Variants in MDN1 observed in about 807,000 individuals in gnomAD.
MDN1 encodes midasin.
MDN1 carries 266 observed loss-of-function variants against 669.2 expected under a neutral mutation model. The observed-to-expected ratio is 0.40, with a 90% CI of 0.36 to 0.44. The LOEUF is 0.44. Ranked by LOEUF, MDN1 falls within the 20% of genes least tolerant of loss-of-function variation. The pLI is 1.00. For missense variants in MDN1, 5,940 were observed against 6,754.0 expected (o/e 0.88, Z 4.22); for synonymous variants, 2,385 against 2,457.1 (o/e 0.97, Z 0.87).
chr6:89,740,433 C>T (rs539680467), intron 31 of MDN1, 55 bp from the exon 32 acceptor site: 11 of 1,461,426 alleles, frequency 7.5e-6, no homozygotes, highest in Non-Finnish European at 1.0e-5. Flanking sequence ...TTCTGTTTTA[C>T]AATCTTCAAT....
At chr6:89,725,128 A>T in intron 38 of MDN1, 71 bp downstream of exon 38, 1 of 1,396,304 alleles carries the variant, frequency 7.2e-7, no homozygotes, top group Non-Finnish European at 1.0e-6. Flanking sequence ...GAATATCCTT[A>T]AAGGCTTCAT....
At chr6:89,796,410 A>G (rs1174725148) in intron 2 of MDN1, among the ~76,000 whole-genome samples, 4 of 151,950 alleles carry the variant, frequency 2.6e-5, no homozygotes, top group South Asian at 2.1e-4. Flanking sequence ...GTACAGACCA[A>G]TAAGTAACTA....
intron 13 of MDN1, 91 bp downstream of exon 13, chr6:89,774,530 T>C: frequency 1.1e-6 from 1 of 889,380 alleles, no homozygotes; most frequent in Non-Finnish European, 1.9e-6. Context: ...TTCAGACATG[T>C]GTTTTGCACA....
At position 89,730,797 on chromosome 6, in the gene MDN1, T is replaced by C. The variant is rs1815541842; in HGVS notation, c.5069A>G (p.Asp1690Gly). 3 of 1,614,134 alleles carry C rather than the reference T, an allele frequency of 1.9e-6. No homozygotes were observed. In the East Asian group the frequency reaches 6.7e-5, roughly 36 times the overall value. Residue 1690 changes from aspartate to glycine, a missense_variant, in exon 35 of 102, where the codon GAC becomes GGC. This residue lies in a region of MDN1 where 2,292 missense variants were observed against 2,638.3 expected (regional missense o/e 0.87). Coordinates refer to ENST00000369393, the MANE Select transcript of MDN1 (RefSeq NM_014611.3). ...EYQKNELKIY[D>G]RMKAKEFTGI... is the part of the protein sequence containing the mutation. Reference sequence around the variant, plus strand: ...AGTGAATTCTTTGGCCTTCATTCTGTCATAAATCTTCAACTCATTTTTCTG... The same window carrying C: ...AGTGAATTCTTTGGCCTTCATTCTGCCATAAATCTTCAACTCATTTTTCTG...
In MDN1 at chr6:89,753,536, G is replaced by T. The variant is rs1192254273; in HGVS notation, c.3051C>A (p.Gly1017=). ...QKLICQHIVP[G]NVKSLLKQPI... is the part of the protein sequence containing the mutation. ...CCTGCTTCAGCAGACTCTTGACATTGCCAGGGACAATGTGTTGACAGATGA... is the reference window on the plus strand; with the variant it reads ...CCTGCTTCAGCAGACTCTTGACATTTCCAGGGACAATGTGTTGACAGATGA... The change falls in exon 22 of 102, where the codon GGC becomes GGA. Residue 1017 remains glycine, a synonymous_variant. Transcript: ENST00000369393. 3.1e-6 allele frequency: 5 copies of T among 1,612,246 alleles called. No homozygotes were observed. The African/African-American group carries it at 6.7e-5, about 22-fold the overall frequency.
At chr6:89,812,848 C>T (rs1267810113) in intron 1 of MDN1, among the ~76,000 whole-genome samples, 2 of 152,082 alleles carry the variant, frequency 1.3e-5, no homozygotes, top group East Asian at 1.9e-4. Flanking sequence ...CCTGCAATCC[C>T]AACACTTTGG....
intron 52 of MDN1, 35 bp downstream of exon 52, chr6:89,707,326 C>T (rs745866628): frequency 2.1e-6 from 3 of 1,439,350 alleles, no homozygotes; most frequent in South Asian, 2.3e-5. Context: ...CAATCAGATG[C>T]TTAATTAGAG....
Position 89,643,402 on chromosome 6 carries a change from T to C in MDN1, c.*603A>G, listed in dbSNP as rs1334224603. 2 of 152,328 alleles carry C rather than the reference T, an allele frequency of 1.3e-5. No individual in the cohort carries two copies. The highest frequency in any genetic ancestry group is 4.8e-5 in the African/African-American group (2 of 41,566). 9.4% of individuals were successfully genotyped at this position (152,328 alleles called of 1,614,324 possible). ...CCAAGGATCGTTTTTATAGATGACC[T>C]GGGCACCTATAATGTCCAGTTGCTT... On this transcript the variant is annotated 3_prime_UTR_variant, in exon 102 of 102. Coordinates refer to ENST00000369393, the MANE Select transcript of MDN1 (RefSeq NM_014611.3).
chr6:89,712,147 C>T lies in MDN1; in HGVS notation c.7540G>A (p.Asp2514Asn), dbSNP rs750173967. 1.9e-6 allele frequency: 3 copies of T among 1,614,020 alleles called. No homozygotes were observed. The highest frequency in any genetic ancestry group is 1.6e-4 in the Middle Eastern group (1 of 6,084). ...AATTTAACAGCCATGACCAAAACAT[C>T]TGGTTCATCGATCCAGTAAGTATTC... ...EVNTYWIDEP[D>N]VLVMAVKLLI... Residue 2514 changes from aspartate to asparagine, a missense_variant, in exon 49 of 102, where the codon GAT (aspartate) becomes AAT (asparagine). By Grantham distance (23) the Asp-to-Asn change is conservative. Coordinates refer to ENST00000369393, the MANE Select transcript of MDN1 (RefSeq NM_014611.3).
chr6:89,791,943 C>G (rs187264171), intron 5 of MDN1, among the ~76,000 whole-genome samples: 3 of 143,012 alleles, frequency 2.1e-5, no homozygotes, highest in Non-Finnish European at 4.5e-5. Flanking sequence ...TCTCGGCTCA[C>G]TGAAAGCTCC....
rs1811694251 is a variant in MDN1, at chr6:89,682,588, G to C, written c.12102+544C>G. On this transcript the variant is annotated intron_variant, in intron 73 of 101. Coordinates refer to ENST00000369393, the MANE Select transcript of MDN1 (RefSeq NM_014611.3). ...CCAGGCGTGGTGGTGGGCACCTGCA[G>C]TCCCAGCTACTCGGGAGGCTGAGGC... Among the ~76,000 whole-genome samples the C allele has an allele frequency of 2.6e-5, 4 of 151,116 alleles. No individual in the cohort carries two copies. The South Asian group carries it at 8.4e-4, about 32-fold the overall frequency.
rs1208593998 is a variant in MDN1 at position 89,713,375 on chromosome 6, A to G, written c.7070-79T>C. Reference sequence around the variant, plus strand: ...GAAAATGGATAAATTCTGCCCTCCCATCAAACCTCCTTCCTGTCAACCCCA... The same window carrying G: ...GAAAATGGATAAATTCTGCCCTCCCGTCAAACCTCCTTCCTGTCAACCCCA... On this transcript the variant is annotated intron_variant, in intron 46 of 101. Transcript: ENST00000369393. 9 of 1,282,712 alleles carry G rather than the reference A, an allele frequency of 7.0e-6. No individual in the cohort carries two copies. In the East Asian group the frequency reaches 1.2e-4, roughly 17 times the overall value. The allele number at this position is 1,282,712 out of a possible 1,614,324, so 79.5% of individuals were successfully genotyped here. A position where few individuals can be genotyped will look rare whatever the true frequency, so the allele number is the denominator to read the frequency against.
rs746329334 is a variant in MDN1, at chr6:89,672,298, C to T, written c.13696G>A (p.Val4566Met). 2.5e-6 allele frequency: 4 copies of T among 1,613,322 alleles called. No homozygotes were observed. The highest frequency in any genetic ancestry group is 2.2e-5 in the South Asian group (2 of 90,786). ...ATTTTCTGCACGTGCAAAGTGCTCA[C>T]ATCGGCCCAGAAGTCATCCTCTAAG... ...KLLEDDFWADVSTLHVQKIIS... is the reference protein window; with the variant it reads ...KLLEDDFWADMSTLHVQKIIS... The change falls in exon 82 of 102, where the codon GTG becomes ATG. Residue 4566 changes from valine to methionine, a missense_variant. Physicochemically the swap from Val to Met is conservative, Grantham distance 21 (BLOSUM62 1). Coordinates refer to ENST00000369393, the MANE Select transcript of MDN1 (RefSeq NM_014611.3).
At chr6:89,792,451 T>C (rs2128326916) in intron 5 of MDN1, among the ~76,000 whole-genome samples, 1 of 152,158 alleles carries the variant, frequency 6.6e-6, no homozygotes, top group South Asian at 2.1e-4. Flanking sequence ...CTTCCCTATG[T>C]TAAAATCCTA....
Position 89,668,000 on chromosome 6 carries a change from A to G in MDN1, c.14094+14T>C. 1.2e-6 allele frequency: 2 copies of G among 1,612,972 alleles called. No individual in the cohort carries two copies. Among genetic ancestry groups the G allele is most frequent in the South Asian group, 1.1e-5 (1 of 90,974 alleles). On this transcript the variant is annotated intron_variant, in intron 84 of 101. Coordinates refer to ENST00000369393, the MANE Select transcript of MDN1 (RefSeq NM_014611.3). Reference sequence around the variant, plus strand: ...GTGATCTTCTGTCAACTGTATACCTATGTGAAAACGTACCTGTTCTTCATT... The same window carrying G: ...GTGATCTTCTGTCAACTGTATACCTGTGTGAAAACGTACCTGTTCTTCATT...
rs2128320259 is a variant in MDN1 at position 89,758,814 on chromosome 6, A to C, written c.2605+2T>G. The C allele has an allele frequency of 6.2e-7, 1 of 1,614,048 alleles. No homozygotes were observed. The highest frequency in any genetic ancestry group is 1.1e-5 in the South Asian group (1 of 91,082). On this transcript the variant is annotated splice_donor_variant, in intron 18 of 101. Coordinates refer to ENST00000369393, the MANE Select transcript of MDN1 (RefSeq NM_014611.3). LOFTEE classifies it high-confidence loss of function. ...TCAAATCCCAAGGGATTCAAGTGCT[A>C]CCTGTGTCTCCTCGATCCAGCAACA... is the stretch of plus-strand genomic sequence containing the variant.
Position 89,668,018 on chromosome 6 carries a change from T to A in MDN1, c.14090A>T (p.Glu4697Val). 6.2e-7 allele frequency: 1 copy of A among 1,613,474 alleles called. No homozygotes were observed. The highest frequency in any genetic ancestry group is 8.5e-7 in the Non-Finnish European group (1 of 1,179,594). The change falls in exon 84 of 102, where the codon GAA (glutamate) becomes GTA (valine). Residue 4697 changes from glutamate to valine, a missense_variant. Physicochemically the swap from Glu to Val is moderately radical, Grantham distance 121. Transcript: ENST00000369393. ...KDVSDQIGNE[E>V]QVEDTFQKGQ... ...TATACCTATGTGAAAACGTACCTGT[T>A]CTTCATTTCCGATCTGGTCACTCAC...
intron 20 of MDN1, among the ~76,000 whole-genome samples, chr6:89,754,442 A>G (rs1817127857): frequency 6.6e-6 from 1 of 152,150 alleles, no homozygotes; most frequent in African/African-American, 2.4e-5. Context: ...ACACCTATCT[A>G]TTTCCTTGGG....
Position 89,712,747 on chromosome 6 carries a change from G to T in MDN1, c.7258C>A (p.Arg2420=), listed in dbSNP as rs187636155. The stretch of plus-strand genomic sequence containing the variant: ...GAGTCTCCCCAGGTTTCATGTGCTC[G>T]CAAAGAAGAAACATGTTTCTCCAGT... The part of the protein sequence containing the change: ...ALLEKHVSSL[R]AHETWGDSIL... Residue 2420 remains arginine, a synonymous_variant, in exon 48 of 102, where the codon CGA becomes AGA. Coordinates refer to ENST00000369393, the MANE Select transcript of MDN1 (RefSeq NM_014611.3). 59 of 1,614,140 alleles carry T rather than the reference G, an allele frequency of 3.7e-5. No individual in the cohort carries two copies. The African/African-American group carries it at 6.9e-4, about 19-fold the overall frequency.
Sources: gnomAD v4.1 joint callset for allele counts (sites outside exome capture counted in the v4.1 genomes callset) on GRCh38, gnomAD v4.1.1 for gene constraint, gnomAD v4.1.1 regional missense constraint, MANE v1.5 for transcripts, NCBI Gene and HGNC (gene_info 2026-07-23, HGNC 2026-07-21) for gene names.